EPHA6: variants seen among roughly 807,000 people sequenced by gnomAD.
EPHA6 encodes the protein EPH receptor A6.
A neutral mutation model predicts 112.0 loss-of-function variants in EPHA6; 50 were observed. The ratio of observed to expected loss-of-function variants is 0.45; its 90% CI spans 0.36 to 0.56. The LOEUF (loss-of-function observed/expected upper bound fraction) is 0.56. EPHA6 is among the 20% of genes least tolerant of loss of function. The probability of loss-of-function intolerance (pLI) is 0.00; values close to 1 mark genes in which losing one functional copy is unlikely to be tolerated. For synonymous variants in EPHA6, 529 were observed against 490.7 expected, an observed-to-expected ratio of 1.08 and a Z score of -1.03; for missense variants, 1,280 against 1,417.4, an observed-to-expected ratio of 0.90 and a Z score of 1.56.
chr3:97,334,437 T>C (rs761633409), intron 5 of EPHA6, among the ~76,000 whole-genome samples: 2 of 151,732 alleles, frequency 1.3e-5, no homozygotes, highest in Non-Finnish European at 2.9e-5. Flanking sequence ...GGACAACTTT[T>C]TAATGAAACT....
At chr3:97,508,923 T>C (rs1229518298) in intron 10 of EPHA6, among the ~76,000 whole-genome samples, 2 of 151,612 alleles carry the variant, frequency 1.3e-5, no homozygotes, top group Admixed American at 1.3e-4. Context: ...CCCTGCTTTG[T>C]CTTTTTTGAT....
chr3:97,053,003 T>C (rs2045735326), intron 3 of EPHA6, among the ~76,000 whole-genome samples: 1 of 152,060 alleles, frequency 6.6e-6, no homozygotes, highest in South Asian at 2.1e-4. Flanking sequence ...TAAAATTAGT[T>C]GCAAATGGCC....
chr3:97,708,110 A>G (rs2033777838), intron 14 of EPHA6, among the ~76,000 whole-genome samples: 1 of 152,218 alleles, frequency 6.6e-6, no homozygotes, highest in African/African-American at 2.4e-5. Flanking sequence ...AGGTTGGAAC[A>G]TTTTGGAGGG....
chr3:97,188,974 G>A (rs970688904), intron 3 of EPHA6, among the ~76,000 whole-genome samples: 1 of 151,688 alleles, frequency 6.6e-6, no homozygotes, highest in South Asian at 2.1e-4. Flanking sequence ...TTTAAAAATT[G>A]CTATTATTAT....
At position 97,708,296 on chromosome 3, in the gene EPHA6, A is replaced by G. The variant is rs1235065110; in HGVS notation, c.2785-11965A>G. Among the ~76,000 whole-genome samples, 4 of 152,200 alleles carry G rather than the reference A, an allele frequency of 2.6e-5. No homozygotes were observed. The East Asian group carries it at 7.7e-4, about 29-fold the overall frequency. ...TCACTTGCTATGTTTTAGCAAAGAG[A>G]CCACTGACATTTTGCCCCTACCCTA... On this transcript the variant is annotated intron_variant, in intron 14 of 17. Coordinates refer to ENST00000389672, the MANE Select transcript of EPHA6 (RefSeq NM_001080448.3).
chr3:96,981,389 A>C (rs13325061), intron 2 of EPHA6, among the ~76,000 whole-genome samples: 22,850 of 152,104 alleles, frequency 0.15, 2,266 homozygotes, highest in Non-Finnish European at 0.22. Context: ...CTTACATCCC[A>C]GGGATGAAGC....
chr3:96,999,513 T>A (rs1348052384), intron 3 of EPHA6, among the ~76,000 whole-genome samples: 2 of 146,044 alleles, frequency 1.4e-5, no homozygotes, highest in Non-Finnish European at 3.1e-5. Context: ...TCCTATCACA[T>A]ACCAACAATG....
intron 3 of EPHA6, among the ~76,000 whole-genome samples, chr3:97,073,064 C>T (rs187887328): frequency 3.2e-4 from 48 of 152,252 alleles, no homozygotes; most frequent in African/African-American, 1.1e-3. Context: ...TTCTAGTTAC[C>T]GTTTCTTCTG....
intron 7 of EPHA6, among the ~76,000 whole-genome samples, chr3:97,471,933 C>T (rs1428532145): frequency 6.6e-6 from 1 of 151,734 alleles, no homozygotes; most frequent in Non-Finnish European, 1.5e-5. Flanking sequence ...AGAGAGACTT[C>T]TTCCTTTTCT....
intron 11 of EPHA6, among the ~76,000 whole-genome samples, chr3:97,588,386 T>C (rs1162393943): frequency 6.6e-6 from 1 of 152,230 alleles, no homozygotes; most frequent in Non-Finnish European, 1.5e-5. Context: ...AGTCAGTGTA[T>C]CTATTGTCTA....
At chr3:97,718,355 C>T (rs1446017067) in intron 14 of EPHA6, among the ~76,000 whole-genome samples, 1 of 152,082 alleles carries the variant, frequency 6.6e-6, no homozygotes, top group Non-Finnish European at 1.5e-5. Context: ...GCAGTGTTCT[C>T]ATTTCTGAAT....
intron 2 of EPHA6, among the ~76,000 whole-genome samples, chr3:96,890,273 T>C (rs2037878063): frequency 6.6e-6 from 1 of 152,094 alleles, no homozygotes; most frequent in African/African-American, 2.4e-5. Flanking sequence ...TTAAAAAGGA[T>C]TTATATTCAG....
intron 14 of EPHA6, among the ~76,000 whole-genome samples, chr3:97,683,103 C>T (rs1170123367): frequency 6.6e-6 from 1 of 152,084 alleles, no homozygotes; most frequent in African/African-American, 2.4e-5. Context: ...CTCTAGAAAA[C>T]TTTGTTTCTC....
At chr3:97,395,310 A>C (rs527429238) in intron 5 of EPHA6, among the ~76,000 whole-genome samples, 1 of 151,964 alleles carries the variant, frequency 6.6e-6, no homozygotes, top group East Asian at 1.9e-4. Context: ...CAGGAGACAG[A>C]TATTCTTAGG....
At chr3:96,829,393 A>C (rs1369671156) in intron 1 of EPHA6, among the ~76,000 whole-genome samples, 1 of 152,130 alleles carries the variant, frequency 6.6e-6, no homozygotes, top group Non-Finnish European at 1.5e-5. Flanking sequence ...AACCAGAAGC[A>C]GACCCAGGAT....
intron 3 of EPHA6, among the ~76,000 whole-genome samples, chr3:97,083,370 A>T (rs2046785367): frequency 6.6e-6 from 1 of 151,970 alleles, no homozygotes; most frequent in Non-Finnish European, 1.5e-5. Context: ...GCTATTAATA[A>T]TTGAAGATTA....
At chr3:96,999,601 C>A (rs1035072800) in intron 3 of EPHA6, among the ~76,000 whole-genome samples, 3 of 151,870 alleles carry the variant, frequency 2.0e-5, no homozygotes, top group African/African-American at 4.8e-5. Flanking sequence ...TAGTCACTTT[C>A]CACAAACAAT....
At chr3:97,727,824 T>G (rs367651417) in intron 15 of EPHA6, among the ~76,000 whole-genome samples, 1 of 152,068 alleles carries the variant, frequency 6.6e-6, no homozygotes, top group African/African-American at 2.4e-5. Flanking sequence ...GAGTATGATG[T>G]ACATCTGCTA....
chr3:96,982,697 T>C (rs1021932363), intron 2 of EPHA6, among the ~76,000 whole-genome samples: 1 of 151,470 alleles, frequency 6.6e-6, no homozygotes, highest in Non-Finnish European at 1.5e-5. Context: ...CTAAGTATCT[T>C]TGTAGATCTC....
Sources: gnomAD v4.1 joint callset for allele counts (sites outside exome capture counted in the v4.1 genomes callset) on GRCh38, gnomAD v4.1.1 for gene constraint, MANE v1.5 for transcripts, NCBI Gene and HGNC (gene_info 2026-07-23, HGNC 2026-07-21) for gene names.